The following ASIC2 variants were observed in gnomAD, a reference collection of about 807,000 sequenced individuals.
ASIC2 encodes acid-sensing ion channel 2.
Under a neutral mutation model 57.3 loss-of-function variants are expected in ASIC2, and 25 were observed. The observed-to-expected ratio is 0.44, with a 90% CI of 0.32 to 0.61. ASIC2 has a LOEUF of 0.61. Among genes scored for constraint, ASIC2 ranks in the 20% least tolerant of loss-of-function variants. ASIC2 has a pLI of 0.06. For missense variants in ASIC2, 641 were observed against 738.1 expected (o/e 0.87, Z 1.52); for synonymous variants, 319 against 307.5 (o/e 1.04, Z -0.39).
At chr17:34,041,605 G>C (rs772603578) in intron 1 of ASIC2, among the ~76,000 whole-genome samples, 20 of 152,220 alleles carry the variant, frequency 1.3e-4, no homozygotes, top group Non-Finnish European at 2.5e-4. Flanking sequence ...TATGGTGTCA[G>C]AGAAGTAAAT....
At chr17:33,017,101 C>T (rs970911698) in intron 8 of ASIC2, among the ~76,000 whole-genome samples, 13 of 152,214 alleles carry the variant, frequency 8.5e-5, no homozygotes, top group Admixed American at 3.3e-4. Flanking sequence ...GCTGTCTTCT[C>T]GCTGAGGATT....
intron 1 of ASIC2, among the ~76,000 whole-genome samples, chr17:33,633,107 G>T (rs1906227358): frequency 2.0e-5 from 3 of 152,190 alleles, no homozygotes; most frequent in African/African-American, 7.2e-5. Flanking sequence ...CCTCAGTGCT[G>T]CCTTTCTTCT....
At chr17:33,972,470 C>G (rs1329217263) in intron 1 of ASIC2, among the ~76,000 whole-genome samples, 1 of 152,042 alleles carries the variant, frequency 6.6e-6, no homozygotes, top group Non-Finnish European at 1.5e-5. Flanking sequence ...ATTAATGGTC[C>G]GCTAGTTCTT....
chr17:33,556,516 C>T (rs114282758), intron 1 of ASIC2, among the ~76,000 whole-genome samples: 211 of 152,272 alleles, frequency 1.4e-3, no homozygotes, highest in African/African-American at 4.2e-3. Flanking sequence ...AGCTTAAATA[C>T]GTTTAAATTC....
intron 1 of ASIC2, among the ~76,000 whole-genome samples, chr17:34,044,058 T>C (rs2142048121): frequency 6.6e-6 from 1 of 151,908 alleles, no homozygotes; most frequent in East Asian, 1.9e-4. Context: ...TTTTTATGGA[T>C]AAAACAGCTC....
chr17:33,453,358 T>A (rs1912335027), intron 1 of ASIC2, among the ~76,000 whole-genome samples: 1 of 152,050 alleles, frequency 6.6e-6, no homozygotes, highest in Non-Finnish European at 1.5e-5. Flanking sequence ...CTTTTATACG[T>A]TGGGAAATAT....
intron 1 of ASIC2, chr17:34,002,562 C>T (rs985148166): frequency 6.6e-6 from 1 of 152,222 alleles, no homozygotes; most frequent in Non-Finnish European, 1.5e-5. Flanking sequence ...AAGGTGCTCT[C>T]CTCAAAGAGC....
At chr17:33,468,992 C>T (rs530603928) in intron 1 of ASIC2, among the ~76,000 whole-genome samples, 29 of 152,256 alleles carry the variant, frequency 1.9e-4, no homozygotes, top group South Asian at 1.7e-3. Flanking sequence ...GGGTAGTTTA[C>T]GGAAAGAGCC....
At chr17:33,911,018 C>A (rs950129167) in intron 1 of ASIC2, among the ~76,000 whole-genome samples, 1 of 152,170 alleles carries the variant, frequency 6.6e-6, no homozygotes, top group African/African-American at 2.4e-5. Flanking sequence ...TTGGCTTCCT[C>A]GGTTACAGCT....
intron 1 of ASIC2, among the ~76,000 whole-genome samples, chr17:33,537,751 A>T (rs190574363): frequency 1.6e-3 from 248 of 152,314 alleles, no homozygotes; most frequent in African/African-American, 5.8e-3. Flanking sequence ...AAAGGGGGAA[A>T]CCAAGGGAAG....
intron 1 of ASIC2, among the ~76,000 whole-genome samples, chr17:33,417,215 T>G (rs1567854196): frequency 6.6e-6 from 1 of 152,120 alleles, no homozygotes; most frequent in Non-Finnish European, 1.5e-5. Context: ...AAGGGACATT[T>G]CTTAGAATCT....
At chr17:33,302,044 G>T (rs1478278989) in intron 1 of ASIC2, among the ~76,000 whole-genome samples, 1 of 152,168 alleles carries the variant, frequency 6.6e-6, no homozygotes, top group Non-Finnish European at 1.5e-5. Context: ...TTGACTGGTG[G>T]CATCTACTTT....
Position 34,099,663 on chromosome 17 carries a change from G to GGAAA in ASIC2, c.555+56311_555+56314dup, listed in dbSNP as rs144041102. Among the ~76,000 whole-genome samples, 578 of 110,182 alleles carry GGAAA rather than the reference G, an allele frequency of 5.2e-3. 21 individuals carry two copies. The highest frequency in any genetic ancestry group is 0.019 in the African/African-American group (523 of 27,014). The allele number at this position is 110,182 out of a possible 152,430, so 72.3% of individuals were successfully genotyped here. On this transcript the variant is annotated intron_variant, in intron 1 of 9. Transcript: ENST00000359872. Reference sequence around the variant, plus strand: ...GAAAGAAAAGAGAGGAAGGAAGGAAGGAAAGAAAGAAAGAAAGAAAAGAAA... The same window carrying GGAAA: ...GAAAGAAAAGAGAGGAAGGAAGGAAGGAAAGAAAGAAAGAAAGAAAGAAAAGAAA...
At chr17:33,065,166 T>C (rs2092037892) in intron 3 of ASIC2, among the ~76,000 whole-genome samples, 1 of 152,156 alleles carries the variant, frequency 6.6e-6, no homozygotes, top group South Asian at 2.1e-4. Context: ...TCTGTATTTA[T>C]TGAAAATGAT....
intron 1 of ASIC2, among the ~76,000 whole-genome samples, chr17:33,802,227 C>T (rs1912152003): frequency 6.6e-6 from 1 of 152,142 alleles, no homozygotes; most frequent in Non-Finnish European, 1.5e-5. Flanking sequence ...GCTACAGTTG[C>T]CTAGTGTATT....
At chr17:34,065,599 T>G (rs1253867873) in intron 1 of ASIC2, among the ~76,000 whole-genome samples, 1 of 152,102 alleles carries the variant, frequency 6.6e-6, no homozygotes, top group Non-Finnish European at 1.5e-5. Flanking sequence ...CTTCCAAAAG[T>G]AAAAAAGACC....
At chr17:33,847,815 G>A (rs1412770766) in intron 1 of ASIC2, among the ~76,000 whole-genome samples, 1 of 152,216 alleles carries the variant, frequency 6.6e-6, no homozygotes, top group Non-Finnish European at 1.5e-5. Context: ...GTGGAGGGGA[G>A]CCTGGGAAGC....
chr17:33,344,342 T>TC (rs1413413825), intron 1 of ASIC2, among the ~76,000 whole-genome samples: 5 of 152,150 alleles, frequency 3.3e-5, no homozygotes, highest in Admixed American at 6.5e-5. Context: ...TGAAGACTCT[T>TC]CCTGCAGCAG....
At chr17:34,012,641 C>T (rs1432838832) in intron 1 of ASIC2, among the ~76,000 whole-genome samples, 1 of 152,108 alleles carries the variant, frequency 6.6e-6, no homozygotes, top group East Asian at 1.9e-4. Flanking sequence ...CAGTATAACC[C>T]TCATGCGGCC....
Sources: allele counts gnomAD v4.1 joint callset (sites outside exome capture counted in the v4.1 genomes callset), GRCh38; gene constraint gnomAD v4.1.1; transcripts MANE v1.5; gene names NCBI Gene and HGNC (gene_info 2026-07-23, HGNC 2026-07-21).